The following CNTNAP5 variants were observed in gnomAD, a reference collection of about 807,000 sequenced individuals.
CNTNAP5 encodes the protein contactin-associated protein-like 5.
In CNTNAP5, 72 loss-of-function variants were observed where a neutral mutation model predicts 150.2. That is an observed-to-expected ratio of 0.48 (90% CI 0.40 to 0.58). CNTNAP5 has a LOEUF of 0.58. Ranked by LOEUF, CNTNAP5 falls within the 20% of genes least tolerant of loss-of-function variation. CNTNAP5 has a pLI of 0.00. For synonymous variants in CNTNAP5, 672 were observed against 619.8 expected (o/e 1.08, Z -1.25); for missense variants, 1,636 against 1,626.2 (o/e 1.01, Z -0.10).
At position 124,313,412 on chromosome 2, in the gene CNTNAP5, T is replaced by G. The variant is rs530009168; in HGVS notation, c.381+71019T>G. ...ATAGTCCCTAAATTTTAGGATCATT[T>G]GACACTGAACTGTTACATCAGACCC... On this transcript the variant is annotated intron_variant, in intron 3 of 23. Transcript: ENST00000682447. 2.7e-3 allele frequency among the ~76,000 whole-genome samples: 417 copies of G among 152,342 alleles called. 3 individuals carry two copies. The highest frequency in any genetic ancestry group is 9.8e-3 in the African/African-American group (406 of 41,592).
In CNTNAP5 at chr2:124,908,960, C is replaced by A. The variant is rs137924022; in HGVS notation, c.3656-2507C>A. Among the ~76,000 whole-genome samples, 766 of 151,428 alleles carry A rather than the reference C, an allele frequency of 5.1e-3. 7 individuals are homozygous for A. Among genetic ancestry groups the A allele is most frequent in the African/African-American group, 0.017 (714 of 41,296 alleles). On this transcript the variant is annotated intron_variant, in intron 22 of 23. Coordinates refer to ENST00000682447, the MANE Select transcript of CNTNAP5 (RefSeq NM_001367498.1). ...GATATTTGTGTTTTAAGTGTTATGACAAAGAAGTAAAAAAGTTAAAAAAAT... is the reference window on the plus strand; with the variant it reads ...GATATTTGTGTTTTAAGTGTTATGAAAAAGAAGTAAAAAAGTTAAAAAAAT...
At chr2:124,700,346 T>C (rs1405044327) in intron 13 of CNTNAP5, among the ~76,000 whole-genome samples, 1 of 152,196 alleles carries the variant, frequency 6.6e-6, no homozygotes, top group African/African-American at 2.4e-5. Context: ...TTTTTGTAAA[T>C]ATGTTTTTAA....
chr2:124,375,930 C>A (rs1184921897), intron 3 of CNTNAP5, among the ~76,000 whole-genome samples: 1 of 152,044 alleles, frequency 6.6e-6, no homozygotes, highest in Admixed American at 6.6e-5. Context: ...ATGAGAACAT[C>A]ACCTTGAAAA....
chr2:124,237,131 A>G lies in CNTNAP5; in HGVS notation c.188-5069A>G, dbSNP rs1431858660. ...GTGACAGGAGCGAGACTCTGTCAAA[A>G]GAAAAAAGAAAGAAAACAAAAACAC... On this transcript the variant is annotated intron_variant, in intron 2 of 23. Transcript: ENST00000682447. Among the ~76,000 whole-genome samples, 2 of 152,178 alleles carry G rather than the reference A, an allele frequency of 1.3e-5. 1 individual carries two copies. The highest frequency in any genetic ancestry group is 4.1e-4 in the South Asian group (2 of 4,828).
At chr2:124,173,793 G>C (rs1684994570) in intron 1 of CNTNAP5, among the ~76,000 whole-genome samples, 2 of 152,194 alleles carry the variant, frequency 1.3e-5, no homozygotes, top group Admixed American at 1.3e-4. Context: ...ACACTAAACA[G>C]ATTTTCAATG....
At chr2:124,314,192 C>T (rs1183307543) in intron 3 of CNTNAP5, among the ~76,000 whole-genome samples, 2 of 152,162 alleles carry the variant, frequency 1.3e-5, no homozygotes, top group Non-Finnish European at 2.9e-5. Flanking sequence ...TGGCAACATG[C>T]AATCTCGTAC....
chr2:124,162,730 T>G (rs1684715243), intron 1 of CNTNAP5, among the ~76,000 whole-genome samples: 1 of 152,188 alleles, frequency 6.6e-6, no homozygotes, highest in South Asian at 2.1e-4. Flanking sequence ...AATTTTTGTC[T>G]TTTTGAAAAG....
chr2:124,395,500 C>A (rs1430054803), intron 3 of CNTNAP5, among the ~76,000 whole-genome samples: 1 of 151,998 alleles, frequency 6.6e-6, no homozygotes, highest in African/African-American at 2.4e-5. Context: ...TCTCTCTGCT[C>A]TCCTGCTTGG....
intron 10 of CNTNAP5, among the ~76,000 whole-genome samples, chr2:124,532,262 T>A (rs1695126720): frequency 6.6e-6 from 1 of 152,208 alleles, no homozygotes. Flanking sequence ...CAGATTGAAT[T>A]TTTAAGAATA....
At position 124,227,633 on chromosome 2, in the gene CNTNAP5, CGTGTGTAT is replaced by C. The variant is rs1431042770; in HGVS notation, c.187+5831_187+5838del. On this transcript the variant is annotated intron_variant, in intron 2 of 23. Coordinates refer to ENST00000682447, the MANE Select transcript of CNTNAP5 (RefSeq NM_001367498.1). The stretch of plus-strand genomic sequence containing the variant: ...TTATACAAATATAAACTCAGCACAT[CGTGTGTAT>C]GTGTGTGTGTGTGTGTGTGTGTGTG... Among the ~76,000 whole-genome samples the C allele has an allele frequency of 8.8e-4, 108 of 122,092 alleles. 1 individual carries two copies. Among genetic ancestry groups the C allele is most frequent in the African/African-American group, 3.2e-3 (96 of 30,092 alleles). 80.1% of individuals were successfully genotyped at this position (122,092 alleles called of 152,430 possible). A position where few individuals can be genotyped will look rare whatever the true frequency, so the allele number is the denominator to read the frequency against.
chr2:124,228,669 CT>C (rs1200438043), intron 2 of CNTNAP5, among the ~76,000 whole-genome samples: 3 of 152,108 alleles, frequency 2.0e-5, no homozygotes, highest in African/African-American at 7.2e-5. Flanking sequence ...AAAGATCATA[CT>C]ATATTTTCTT....
chr2:124,025,724 C>A lies in CNTNAP5; in HGVS notation c.74C>A (p.Ala25Glu). 1 of 1,612,624 alleles carries A rather than the reference C, an allele frequency of 6.2e-7. No homozygotes were observed. The highest frequency in any genetic ancestry group is 8.5e-7 in the Non-Finnish European group (1 of 1,178,986). The part of the protein sequence containing the change: ...FSGLWHLGLT[A>E]TNYNCDDPLA... ...GGCTTGTGGCATTTAGGATTAACAGCGACAAACTGTGAGTACGAGGAGCTG... is the reference window on the plus strand; with the variant it reads ...GGCTTGTGGCATTTAGGATTAACAGAGACAAACTGTGAGTACGAGGAGCTG... The change falls in exon 1 of 24, where the codon GCG becomes GAG. Residue 25 changes from alanine (A) to glutamate (E), a missense_variant. Transcript: ENST00000682447.
At chr2:124,179,978 AT>A (rs796065654) in intron 1 of CNTNAP5, among the ~76,000 whole-genome samples, 1,669 of 149,630 alleles carry the variant, frequency 0.011, 31 homozygotes, top group African/African-American at 0.037. Flanking sequence ...ATTCTTTTCC[AT>A]TTTTTTTTTC....
chr2:124,134,098 G>A (rs1683922145), intron 1 of CNTNAP5, among the ~76,000 whole-genome samples: 1 of 152,084 alleles, frequency 6.6e-6, no homozygotes, highest in South Asian at 2.1e-4. Flanking sequence ...AGCACATTTT[G>A]TAGATGTGTG....
chr2:124,913,126 C>T (rs1182197355), intron 23 of CNTNAP5, among the ~76,000 whole-genome samples: 1 of 151,964 alleles, frequency 6.6e-6, no homozygotes, highest in Non-Finnish European at 1.5e-5. Flanking sequence ...TCATTATGCC[C>T]AAAAATAGCT....
At chr2:124,148,984 A>C (rs539171723) in intron 1 of CNTNAP5, among the ~76,000 whole-genome samples, 3 of 152,284 alleles carry the variant, frequency 2.0e-5, no homozygotes, top group African/African-American at 7.2e-5. Context: ...ATGTATGTGC[A>C]TATATAAGAT....
chr2:124,781,972 C>A (rs553431855), intron 17 of CNTNAP5, among the ~76,000 whole-genome samples: 1 of 152,288 alleles, frequency 6.6e-6, no homozygotes, highest in South Asian at 2.1e-4. Flanking sequence ...ACAGTCCTTG[C>A]CCAGAGGAGT....
At chr2:124,556,455 A>C (rs1248687022) in intron 10 of CNTNAP5, among the ~76,000 whole-genome samples, 1 of 152,206 alleles carries the variant, frequency 6.6e-6, no homozygotes, top group Non-Finnish European at 1.5e-5. Flanking sequence ...TTGGTTAAAA[A>C]TTATTAAGAT....
intron 5 of CNTNAP5, among the ~76,000 whole-genome samples, chr2:124,439,357 A>G (rs1329653984): frequency 6.6e-6 from 1 of 152,216 alleles, no homozygotes; most frequent in Admixed American, 6.5e-5. Context: ...CTCTATTTTC[A>G]AGAGGCTGTC....
Sources: gnomAD v4.1 joint callset for allele counts (sites outside exome capture counted in the v4.1 genomes callset) on GRCh38, gnomAD v4.1.1 for gene constraint, MANE v1.5 for transcripts, NCBI Gene and HGNC (gene_info 2026-07-23, HGNC 2026-07-21) for gene names.